VTI1A: variants seen among roughly 807,000 people sequenced by gnomAD.
VTI1A encodes the protein vesicle transport through interaction with t-SNAREs homolog 1A.
In VTI1A, 22 loss-of-function variants were observed where a neutral mutation model predicts 34.9. The observed-to-expected ratio is 0.63, with a 90% CI of 0.45 to 0.90. VTI1A has a LOEUF of 0.90. Ranked by LOEUF, VTI1A falls within the 40% of genes least tolerant of loss-of-function variation. VTI1A has a pLI of 0.00. For missense variants in VTI1A, 268 were observed against 275.6 expected, an observed-to-expected ratio of 0.97 and a Z score of 0.20; for synonymous variants, 87 against 97.3, an observed-to-expected ratio of 0.89 and a Z score of 0.62.
intron 7 of VTI1A, among the ~76,000 whole-genome samples, chr10:112,769,766 A>G (rs1158748720): frequency 6.6e-6 from 1 of 152,188 alleles, no homozygotes; most frequent in East Asian, 1.9e-4. Context: ...GCAACACCAC[A>G]GACCTTAGAA....
intron 1 of VTI1A, among the ~76,000 whole-genome samples, chr10:112,456,400 T>G (rs1589787950): frequency 1.6e-5 from 2 of 121,298 alleles, no homozygotes; most frequent in African/African-American, 6.6e-5. Flanking sequence ...CCAGGCTGGG[T>G]GACAAAGTGA....
chr10:112,848,850 G>C, the VTI1A span, among the ~76,000 whole-genome samples: 8 of 152,192 alleles, frequency 5.3e-5, no homozygotes, highest in East Asian at 1.3e-3. Flanking sequence ...GGTGACCATT[G>C]AGATGGATTT....
At chr10:112,733,346 C>G (rs1032924934) in intron 7 of VTI1A, among the ~76,000 whole-genome samples, 1 of 152,094 alleles carries the variant, frequency 6.6e-6, no homozygotes, top group African/African-American at 2.4e-5. Context: ...AACATTTTCA[C>G]CACCCCAAAA....
intron 6 of VTI1A, among the ~76,000 whole-genome samples, chr10:112,668,581 A>G (rs1374826103): frequency 1.3e-5 from 2 of 152,192 alleles, no homozygotes; most frequent in East Asian, 1.9e-4. Flanking sequence ...CTATAGAATT[A>G]TTGGTGGTCA....
At chr10:112,796,233 T>C (rs1852669260) in intron 7 of VTI1A, among the ~76,000 whole-genome samples, 1 of 151,910 alleles carries the variant, frequency 6.6e-6, no homozygotes, top group Admixed American at 6.6e-5. Context: ...ACCCTGTCTC[T>C]ACTAAAAAAT....
At chr10:112,491,367 C>T (rs749234437) in intron 3 of VTI1A, among the ~76,000 whole-genome samples, 1 of 152,148 alleles carries the variant, frequency 6.6e-6, no homozygotes, top group Non-Finnish European at 1.5e-5. Flanking sequence ...CATGTAAGGC[C>T]AGTTACTTTC....
At chr10:112,513,472 T>C (rs1484572430) in intron 3 of VTI1A, among the ~76,000 whole-genome samples, 1 of 152,060 alleles carries the variant, frequency 6.6e-6, no homozygotes, top group African/African-American at 2.4e-5. Context: ...TAAGGTTATG[T>C]CATCAGTAAA....
At position 112,810,828 on chromosome 10, in the gene VTI1A, A is replaced by G. The variant is rs532007628; in HGVS notation, c.561-4462A>G. The stretch of plus-strand genomic sequence containing the variant: ...GTGAGGCCTCACGCATGATATCATC[A>G]GTCATCAATACACAGGAGCATTGGC... On this transcript the variant is annotated intron_variant, in intron 7 of 7. Coordinates refer to ENST00000393077, the MANE Select transcript of VTI1A (RefSeq NM_145206.4). Among the ~76,000 whole-genome samples, 26 of 152,330 alleles carry G rather than the reference A, an allele frequency of 1.7e-4. No homozygotes were observed. The East Asian group carries it at 3.7e-3, about 21-fold the overall frequency.
At chr10:112,637,995 A>G (rs933925701) in intron 5 of VTI1A, among the ~76,000 whole-genome samples, 1 of 152,242 alleles carries the variant, frequency 6.6e-6, no homozygotes, top group Non-Finnish European at 1.5e-5. Context: ...AACCCCTTAT[A>G]GTCTCTACAT....
At chr10:112,754,813 T>C (rs1386542750) in intron 7 of VTI1A, among the ~76,000 whole-genome samples, 4 of 152,024 alleles carry the variant, frequency 2.6e-5, no homozygotes, top group Admixed American at 6.5e-5. Flanking sequence ...CTAGAATCGG[T>C]CTAGGAAAGA....
chr10:112,763,238 A>C (rs962323670), intron 7 of VTI1A, among the ~76,000 whole-genome samples: 4 of 152,078 alleles, frequency 2.6e-5, no homozygotes, highest in Admixed American at 2.6e-4. Flanking sequence ...CAGGAGATCG[A>C]GACCATCCTG....
chr10:112,547,457 A>G (rs1019679520), intron 5 of VTI1A, among the ~76,000 whole-genome samples: 2 of 152,100 alleles, frequency 1.3e-5, no homozygotes, highest in Non-Finnish European at 2.9e-5. Flanking sequence ...ACATGCATGT[A>G]ATCCCAGCTG....
chr10:112,624,166 C>T (rs1845833308), intron 5 of VTI1A, among the ~76,000 whole-genome samples: 1 of 152,152 alleles, frequency 6.6e-6, no homozygotes, highest in South Asian at 2.1e-4. Flanking sequence ...TTTTCTTTGT[C>T]GTCCTCTAGA....
chr10:112,813,243 A>G (rs7903017), intron 7 of VTI1A, among the ~76,000 whole-genome samples: 13,944 of 152,284 alleles, frequency 0.092, 852 homozygotes, highest in African/African-American at 0.18. Flanking sequence ...CTGTGTATTC[A>G]TATTTCTTAC....
chr10:112,835,089 C>A, the VTI1A span, among the ~76,000 whole-genome samples: 1 of 152,086 alleles, frequency 6.6e-6, no homozygotes, highest in African/African-American at 2.4e-5. Flanking sequence ...AGGGCCCGTG[C>A]GCTTCTCGAC....
intron 5 of VTI1A, among the ~76,000 whole-genome samples, chr10:112,663,926 A>G (rs909014172): frequency 2.0e-5 from 3 of 152,220 alleles, no homozygotes; most frequent in Admixed American, 6.5e-5. Context: ...ACGCTTCAGC[A>G]TAGCTCTTTT....
At chr10:112,700,153 AAC>A (rs1848958316) in intron 7 of VTI1A, among the ~76,000 whole-genome samples, 1 of 150,850 alleles carries the variant, frequency 6.6e-6, no homozygotes. Context: ...AAAAAAAAAA[AAC>A]ACTCGGAGGT....
chr10:112,710,350 A>C (rs1219024610), intron 7 of VTI1A, among the ~76,000 whole-genome samples: 1 of 151,556 alleles, frequency 6.6e-6, no homozygotes, highest in Non-Finnish European at 1.5e-5. Context: ...TGGGATTACA[A>C]GCGTGCACCA....
chr10:112,728,994 G>C (rs1283356661), intron 7 of VTI1A, among the ~76,000 whole-genome samples: 1 of 152,144 alleles, frequency 6.6e-6, no homozygotes, highest in Non-Finnish European at 1.5e-5. Flanking sequence ...TAACTTCTCA[G>C]CCTTAACAAC....
Sources: gnomAD v4.1 joint callset for allele counts (sites outside exome capture counted in the v4.1 genomes callset) on GRCh38, gnomAD v4.1.1 for gene constraint, MANE v1.5 for transcripts, NCBI Gene and HGNC (gene_info 2026-07-23, HGNC 2026-07-21) for gene names.